Variants in ZNF91 observed in about 807,000 individuals in gnomAD.
ZNF91 encodes the protein zinc finger protein 91 (HPF7, HTF10).
Under a neutral mutation model 12.6 loss-of-function variants are expected in ZNF91, and 7 were observed. That is an observed-to-expected ratio of 0.55 (90% CI 0.31 to 1.04). The LOEUF (loss-of-function observed/expected upper bound fraction) is 1.04. Among genes scored for constraint, ZNF91 ranks in the 50% least tolerant of loss-of-function variants. The probability of loss-of-function intolerance (pLI) is 0.05; values close to 1 mark genes in which losing one functional copy is unlikely to be tolerated. For missense variants in ZNF91, 1,217 were observed against 1,385.4 expected (o/e 0.88, Z 1.93); for synonymous variants, 453 against 462.6 (o/e 0.98, Z 0.27).
intron 3 of ZNF91, among the ~76,000 whole-genome samples, chr19:23,348,837 G>A (rs972026443): frequency 6.6e-6 from 1 of 152,108 alleles, no homozygotes; most frequent in African/African-American, 2.4e-5. Context: ...AAATATCACT[G>A]AATTCTTTTC....
intron 1 of ZNF91, chr19:23,384,645 C>A: frequency 1.5e-6 from 1 of 666,160 alleles, no homozygotes; most frequent in South Asian, 2.6e-5. Flanking sequence ...AGGCTTTTGC[C>A]ATACCATCCA....
At chr19:23,312,481 A>C (rs1268666654), upstream of ZNF91, among the ~76,000 whole-genome samples, 1 of 152,244 alleles carries the variant, frequency 6.6e-6, no homozygotes, top group Non-Finnish European at 1.5e-5. Context: ...GTGTCAACAC[A>C]GAGTCCAAGA....
At position 23,360,483 on chromosome 19, in the gene ZNF91, G is replaced by C; in HGVS notation, c.2496C>G (p.Gly832=). The C allele has an allele frequency of 6.2e-7, 1 of 1,613,738 alleles. No homozygotes were observed. The highest frequency in any genetic ancestry group is 8.5e-7 in the Non-Finnish European group (1 of 1,179,932). ...GEKPYKCKEC[G]KAFKHSSALA... ...GGGCTGAGGAGTGCTTAAAAGCTTT[G>C]CCACATTCTTTACATTTGTAGGGTT... is the stretch of plus-strand genomic sequence containing the variant. Residue 832 remains glycine, a synonymous_variant, in exon 4 of 4, where the codon GGC becomes GGG. Transcript: ENST00000300619.
chr19:23,341,554 TA>T, intron 3 of ZNF91, among the ~76,000 whole-genome samples: 1 of 151,848 alleles, frequency 6.6e-6, no homozygotes, highest in Non-Finnish European at 1.5e-5. Flanking sequence ...ATAATCCAAC[TA>T]AAAAATGGTT....
Position 23,374,727 on chromosome 19 carries a change from G to C in ZNF91, c.68C>G (p.Ser23Cys). The C allele has an allele frequency of 1.2e-6, 2 of 1,612,706 alleles. No individual in the cohort carries two copies. Among genetic ancestry groups the C allele is most frequent in the Non-Finnish European group, 1.7e-6 (2 of 1,179,328 alleles). ...LTFRDVAIEF[S>C]PEEWQCLDTA... ...GTCCAGACATTGCCACTCCTCCGGA[G>C]AGAATTCTATGGCCACATCCCTAAA... Residue 23 changes from serine to cysteine, a missense_variant, in exon 2 of 4, where the codon TCT becomes TGT. By Grantham distance (112) the Ser-to-Cys change is moderately radical (BLOSUM62 -1). Transcript: ENST00000300619.
At position 23,373,855 on chromosome 19, in the gene ZNF91, A is replaced by G. The variant is rs376532436; in HGVS notation, c.158-18T>C. ...AGCAATACCTGTTTTATTAAAAATA[A>G]CTAACATGAGTCTTGCTCATATTCT... On this transcript the variant is annotated intron_variant, in intron 2 of 3. Coordinates refer to ENST00000300619, the MANE Select transcript of ZNF91 (RefSeq NM_003430.4). 4.4e-6 allele frequency: 7 copies of G among 1,583,452 alleles called. No individual in the cohort carries two copies. Among genetic ancestry groups the G allele is most frequent in the Non-Finnish European group, 6.0e-6 (7 of 1,161,090 alleles).
intron 1 of ZNF91, among the ~76,000 whole-genome samples, chr19:23,393,637 C>A (rs1359107652): frequency 6.6e-6 from 1 of 152,160 alleles, no homozygotes; most frequent in Non-Finnish European, 1.5e-5. Flanking sequence ...TCTTTGCTTT[C>A]TTCTCACAGG....
chr19:23,316,636 A>G (rs544132799), intron 1 of ZNF91, among the ~76,000 whole-genome samples: 1 of 152,274 alleles, frequency 6.6e-6, no homozygotes, highest in Admixed American at 6.5e-5. Flanking sequence ...AGACTGTGAC[A>G]TATATCTTGG....
At chr19:23,323,288 TCCC>T (rs1967750845) in intron 1 of ZNF91, among the ~76,000 whole-genome samples, 2 of 145,740 alleles carry the variant, frequency 1.4e-5, no homozygotes, top group African/African-American at 5.1e-5. Flanking sequence ...TCTCTCCTCC[TCCC>T]CTCCTTCTCT....
chr19:23,329,606 T>C (rs953895166), intron 1 of ZNF91, among the ~76,000 whole-genome samples: 1 of 152,234 alleles, frequency 6.6e-6, no homozygotes, highest in Non-Finnish European at 1.5e-5. Flanking sequence ...TGATTCATTT[T>C]ACCCCTTTCA....
chr19:23,369,893 G>A (rs904044975), intron 3 of ZNF91, among the ~76,000 whole-genome samples: 5 of 150,018 alleles, frequency 3.3e-5, no homozygotes, highest in African/African-American at 9.8e-5. Context: ...CCTCTGCCTA[G>A]GAAAACCAGA....
At chr19:23,347,545 A>C (rs553820814) in intron 3 of ZNF91, among the ~76,000 whole-genome samples, 43 of 152,110 alleles carry the variant, frequency 2.8e-4, no homozygotes, top group African/African-American at 1.0e-3. Flanking sequence ...GAGGACTACC[A>C]AGCCCAAAAC....
rs1222873756 is a variant in ZNF91 at position 23,360,234 on chromosome 19, A to G, written c.2745T>C (p.Cys915=). The change falls in exon 4 of 4, where the codon TGT becomes TGC. Residue 915 remains cysteine (C), a synonymous_variant. Transcript: ENST00000300619. The part of the protein sequence containing the change: ...TREKTYKCEE[C]GKAFSQPSHL... ...GTGAAGGCTGGCTAAATGCTTTGCC[A>G]CATTCTTCACATTTGTAGGTTTTCT... The G allele has an allele frequency of 1.9e-6, 3 of 1,613,934 alleles. No individual in the cohort carries two copies. The highest frequency in any genetic ancestry group is 2.7e-5 in the African/African-American group (2 of 74,898).
chr19:23,317,300 G>A lies in ZNF91; in HGVS notation n.117-8203C>T, dbSNP rs568229777. Among the ~76,000 whole-genome samples, 10 of 152,122 alleles carry A rather than the reference G, an allele frequency of 6.6e-5. No individual in the cohort carries two copies. The South Asian group carries it at 8.3e-4, about 13-fold the overall frequency. On this transcript the variant is annotated intron_variant and non_coding_transcript_variant, in intron 1 of 1. Transcript: ENST00000596528. Reference sequence around the variant, plus strand: ...CCTGACCTCATGATCTGCCCGCCTCGGCCTCCCAAAGTGCTGAGATTACAG... The same window carrying A: ...CCTGACCTCATGATCTGCCCGCCTCAGCCTCCCAAAGTGCTGAGATTACAG...
Position 23,319,595 on chromosome 19 carries a change from C to T in ZNF91, n.117-10498G>A, listed in dbSNP as rs148102376. ...ATATATCTGCATACACTACCTAGGA[C>T]ATGTGACTCTTCTTTTCTGCCTGCA... On this transcript the variant is annotated intron_variant and non_coding_transcript_variant, in intron 1 of 1. Transcript: ENST00000596528. Among the ~76,000 whole-genome samples the T allele has an allele frequency of 5.5e-3, 845 of 152,314 alleles. 5 individuals are homozygous for T. The highest frequency in any genetic ancestry group is 0.02 in the African/African-American group (813 of 41,584).
In ZNF91 at chr19:23,359,659, T is replaced by C. The variant is rs958170262; in HGVS notation, c.3320A>G (p.Lys1107Arg). Reference sequence around the variant, plus strand: ...AAAGGCTTTGCCACATTCTCCACATTTGTAGGGTTTCTCTCCGGTGTGCAA... The same window carrying C: ...AAAGGCTTTGCCACATTCTCCACATCTGTAGGGTTTCTCTCCGGTGTGCAA... The part of the protein sequence containing the change: ...KRLHTGEKPY[K>R]CGECGKAFKE... The change falls in exon 4 of 4, where the codon AAA becomes AGA. Residue 1107 changes from lysine to arginine, a missense_variant. This residue lies in a region of ZNF91 where 491 missense variants were observed against 489.8 expected (regional missense o/e 1.00). Coordinates refer to ENST00000300619, the MANE Select transcript of ZNF91 (RefSeq NM_003430.4). 4 of 1,613,946 alleles carry C rather than the reference T, an allele frequency of 2.5e-6. No individual in the cohort carries two copies. Among genetic ancestry groups the C allele is most frequent in the African/African-American group, 2.7e-5 (2 of 74,906 alleles).
chr19:23,362,470 T>C lies in ZNF91; in HGVS notation c.509A>G (p.Asn170Ser). Reference sequence around the variant, plus strand: ...TCCAGTATGTCTTATCGTATGTCTGTTTGAATTTAAAAATTTATAGAAGAC... The same window carrying C: ...TCCAGTATGTCTTATCGTATGTCTGCTTGAATTTAAAAATTTATAGAAGAC... ...LKVFYKFLNS[N>S]RHTIRHTGKK... is the part of the protein sequence containing the mutation. The change falls in exon 4 of 4, where the codon AAC (asparagine) becomes AGC (serine). Residue 170 changes from asparagine (N) to serine (S), a missense_variant. Asn to Ser is a conservative substitution (Grantham distance 46, BLOSUM62 1). Transcript: ENST00000300619. 1 of 1,605,398 alleles carries C rather than the reference T, an allele frequency of 6.2e-7. No individual in the cohort carries two copies. The highest frequency in any genetic ancestry group is 8.5e-7 in the Non-Finnish European group (1 of 1,177,400).
chr19:23,352,785 C>A (rs10423755), downstream of ZNF91, among the ~76,000 whole-genome samples: 3,570 of 152,204 alleles, frequency 0.023, 128 homozygotes, highest in African/African-American at 0.081. Context: ...CAAATGGACA[C>A]CCAAAGCAAG....
At chr19:23,336,456 C>T (rs1268355701), downstream of ZNF91, among the ~76,000 whole-genome samples, 1 of 152,196 alleles carries the variant, frequency 6.6e-6, no homozygotes, top group Non-Finnish European at 1.5e-5. Flanking sequence ...GCTAGCTAAT[C>T]TTCAATTATG....
Sources: allele counts gnomAD v4.1 joint callset (sites outside exome capture counted in the v4.1 genomes callset), GRCh38; gene constraint gnomAD v4.1.1; regional missense constraint gnomAD v4.1.1; transcripts MANE v1.5; gene names NCBI Gene and HGNC (gene_info 2026-07-23, HGNC 2026-07-21).